Variants in TMEM132B observed in about 807,000 individuals in gnomAD.
TMEM132B encodes transmembrane protein 132B.
Under a neutral mutation model 90.8 loss-of-function variants are expected in TMEM132B, and 18 were observed. That is an observed-to-expected ratio of 0.20 (90% CI 0.14 to 0.29). TMEM132B has a LOEUF of 0.29. Ranked by LOEUF, TMEM132B falls within the 10% of genes least tolerant of loss-of-function variation. The probability of loss-of-function intolerance (pLI) is 1.00; values close to 1 mark genes in which losing one functional copy is unlikely to be tolerated. For missense variants in TMEM132B, 1,096 were observed against 1,326.8 expected (o/e 0.83, Z 2.70); for synonymous variants, 504 against 523.3 (o/e 0.96, Z 0.50).
chr12:125,354,224 A>T (rs941499413), intron 2 of TMEM132B, among the ~76,000 whole-genome samples: 3 of 152,250 alleles, frequency 2.0e-5, no homozygotes, highest in African/African-American at 7.2e-5. Context: ...CTTAAAGGAA[A>T]AACATCTACT....
At chr12:125,280,132 C>G (rs1875117743) in intron 1 of TMEM132B, among the ~76,000 whole-genome samples, 1 of 152,282 alleles carries the variant, frequency 6.6e-6, no homozygotes, top group African/African-American at 2.4e-5. Context: ...CACTTGGGAT[C>G]CTCCAAAAAC....
chr12:125,640,896 G>A (rs1014537804), intron 5 of TMEM132B, among the ~76,000 whole-genome samples: 1 of 151,448 alleles, frequency 6.6e-6, no homozygotes, highest in Non-Finnish European at 1.5e-5. Flanking sequence ...CACTGAATTA[G>A]CGAGTACTGA....
At chr12:125,533,150 A>G (rs1176700904) in intron 4 of TMEM132B, among the ~76,000 whole-genome samples, 5 of 152,142 alleles carry the variant, frequency 3.3e-5, no homozygotes, top group African/African-American at 1.2e-4. Flanking sequence ...AGTCCCCCTT[A>G]CCTATCCTGT....
chr12:125,595,775 A>G (rs1181126509), intron 5 of TMEM132B, among the ~76,000 whole-genome samples: 2 of 152,042 alleles, frequency 1.3e-5, no homozygotes, highest in East Asian at 1.9e-4. Context: ...CTTACAAAAG[A>G]GTCCAGCAGG....
intron 1 of TMEM132B, among the ~76,000 whole-genome samples, chr12:125,287,773 C>T (rs1042652729): frequency 6.6e-6 from 1 of 152,188 alleles, no homozygotes; most frequent in African/African-American, 2.4e-5. Flanking sequence ...CTAAAAAATA[C>T]TAGGGAACAC....
intron 3 of TMEM132B, among the ~76,000 whole-genome samples, chr12:125,515,655 C>A (rs562036258): frequency 6.6e-6 from 1 of 150,516 alleles, no homozygotes; most frequent in Admixed American, 6.6e-5. Context: ...TTCACACCCC[C>A]TTCACACATT....
intron 6 of TMEM132B, 91 bp from the exon 7 acceptor site, chr12:125,650,592 T>A: frequency 6.8e-7 from 1 of 1,471,544 alleles, no homozygotes; most frequent in Non-Finnish European, 9.2e-7. Context: ...TTCATTTCAT[T>A]CTGTGGGCTC....
At chr12:125,377,595 T>C (rs3847938) in intron 2 of TMEM132B, among the ~76,000 whole-genome samples, 31,596 of 152,026 alleles carry the variant, frequency 0.21, 3,664 homozygotes, top group African/African-American at 0.3. Context: ...TGTAAGTAGC[T>C]CAGAACAGGG....
At chr12:125,337,836 CT>C (rs2136215714) in intron 1 of TMEM132B, among the ~76,000 whole-genome samples, 2 of 152,322 alleles carry the variant, frequency 1.3e-5, no homozygotes, top group African/African-American at 4.8e-5. Flanking sequence ...TACAGAATAA[CT>C]TTGAAAGAAT....
At chr12:125,478,961 A>C (rs1232187642) in intron 3 of TMEM132B, among the ~76,000 whole-genome samples, 1 of 152,238 alleles carries the variant, frequency 6.6e-6, no homozygotes, top group African/African-American at 2.4e-5. Context: ...AATATTCAAC[A>C]TTCTTAAAGA....
At position 125,541,863 on chromosome 12, in the gene TMEM132B, A is replaced by AT. The variant is rs202243626; in HGVS notation, c.1293+22238_1293+22239insT. Among the ~76,000 whole-genome samples, 853 of 151,780 alleles carry AT rather than the reference A, an allele frequency of 5.6e-3. 8 individuals carry two copies. Among genetic ancestry groups the AT allele is most frequent in the African/African-American group, 0.02 (815 of 41,370 alleles). On this transcript the variant is annotated intron_variant, in intron 4 of 8. Transcript: ENST00000682704. The stretch of plus-strand genomic sequence containing the variant: ...TGAAACCCCGTCTCTACTAAAAAAA[A>AT]ATATATAAAAAATTAGCCGGGCGTG...
chr12:125,328,074 T>C (rs1046543918), intron 1 of TMEM132B, among the ~76,000 whole-genome samples: 4 of 152,260 alleles, frequency 2.6e-5, no homozygotes, highest in Non-Finnish European at 5.9e-5. Context: ...TTCATTTCCC[T>C]GTCTTGGCCT....
intron 3 of TMEM132B, among the ~76,000 whole-genome samples, chr12:125,503,986 A>G (rs1215975578): frequency 6.6e-6 from 1 of 152,220 alleles, no homozygotes; most frequent in Non-Finnish European, 1.5e-5. Flanking sequence ...ATTGGCCTAT[A>G]AGAAAGATTT....
At chr12:125,386,162 A>AT (rs1297020810) in intron 2 of TMEM132B, among the ~76,000 whole-genome samples, 3 of 151,896 alleles carry the variant, frequency 2.0e-5, no homozygotes, top group Admixed American at 6.6e-5. Flanking sequence ...TTGTTTTTGT[A>AT]TTTTTTATAG....
chr12:125,625,223 C>G (rs574762187), intron 5 of TMEM132B, among the ~76,000 whole-genome samples: 1 of 147,468 alleles, frequency 6.8e-6, no homozygotes, highest in Non-Finnish European at 1.5e-5. Context: ...AGCTCTGCCT[C>G]CCGGGTTCAC....
Position 125,267,894 on chromosome 12 carries a change from C to T in TMEM132B, c.67+81028C>T, listed in dbSNP as rs568880110. Reference sequence around the variant, plus strand: ...AATGCAGTGTGGACCAATCAATATTCGTGTACAAGTTGCATTTGGCCTGTG... The same window carrying T: ...AATGCAGTGTGGACCAATCAATATTTGTGTACAAGTTGCATTTGGCCTGTG... On this transcript the variant is annotated intron_variant, in intron 1 of 8. Coordinates refer to ENST00000682704, the MANE Select transcript of TMEM132B (RefSeq NM_001366854.1). 3.3e-5 allele frequency among the ~76,000 whole-genome samples: 5 copies of T among 152,198 alleles called. No homozygotes were observed. In the East Asian group the frequency reaches 5.8e-4, roughly 18 times the overall value.
chr12:125,350,308 G>T lies in TMEM132B; in HGVS notation c.924G>T (p.Leu308=). Residue 308 remains leucine (L), a synonymous_variant, in exon 2 of 9, where the codon CTG becomes CTT. Coordinates refer to ENST00000682704, the MANE Select transcript of TMEM132B (RefSeq NM_001366854.1). ...ACACGGCCACCTTTTTGGTCTCTCT[G>T]ACCAGTAGCTCTGTGGCAGACCAGT... The part of the protein sequence containing the change: ...EGDTATFLVS[L]TSSSVADQFT... 6.2e-7 allele frequency: 1 copy of T among 1,613,578 alleles called. No individual in the cohort carries two copies. The highest frequency in any genetic ancestry group is 1.1e-5 in the South Asian group (1 of 91,030).
At chr12:125,533,506 G>A (rs1883703908) in intron 4 of TMEM132B, among the ~76,000 whole-genome samples, 1 of 152,230 alleles carries the variant, frequency 6.6e-6, no homozygotes, top group South Asian at 2.1e-4. Context: ...ATAGCTGATT[G>A]CAGAGCCCAG....
chr12:125,508,429 A>C (rs77270644), intron 3 of TMEM132B, among the ~76,000 whole-genome samples: 4,583 of 152,288 alleles, frequency 0.03, 242 homozygotes, highest in African/African-American at 0.1. Context: ...GGAAGACACC[A>C]GGTCTGGGAA....
Sources: allele counts gnomAD v4.1 joint callset (sites outside exome capture counted in the v4.1 genomes callset), GRCh38; gene constraint gnomAD v4.1.1; transcripts MANE v1.5; gene names NCBI Gene and HGNC (gene_info 2026-07-23, HGNC 2026-07-21).